Variants in RBL1 observed in about 807,000 individuals in gnomAD.
The protein encoded by RBL1 is RB transcriptional corepressor like 1, also known as retinoblastoma-like protein 1.
RBL1 carries 82 observed loss-of-function variants against 123.0 expected under a neutral mutation model. The observed-to-expected ratio is 0.67, with a 90% CI of 0.56 to 0.80. The LOEUF is 0.80. Ranked by LOEUF, RBL1 falls within the 30% of genes least tolerant of loss-of-function variation. The pLI is 0.00. For missense variants in RBL1, 1,171 were observed against 1,299.6 expected (o/e 0.90, Z 1.52); for synonymous variants, 405 against 441.3 (o/e 0.92, Z 1.03).
Position 37,040,291 on chromosome 20 carries a change from G to T in RBL1, c.1771-6C>A, listed in dbSNP as rs753711981. 1.2e-6 allele frequency: 2 copies of T among 1,609,702 alleles called. No individual in the cohort carries two copies. The highest frequency in any genetic ancestry group is 1.1e-5 in the South Asian group (1 of 89,790). On this transcript the variant is annotated splice_region_variant and splice_polypyrimidine_tract_variant and intron_variant, in intron 13 of 21. Coordinates refer to ENST00000373664, the MANE Select transcript of RBL1 (RefSeq NM_002895.5). ...AAGTTATTTGGGAATATAACCTGTA[G>T]AAAACAAAAACCCTTTGATTTACAT... is the stretch of plus-strand genomic sequence containing the variant.
At chr20:37,048,221 C>A (rs1012853434) in intron 11 of RBL1, among the ~76,000 whole-genome samples, 2 of 152,082 alleles carry the variant, frequency 1.3e-5, no homozygotes, top group Non-Finnish European at 2.9e-5. Flanking sequence ...AGGACACAGG[C>A]AGAATGGGAA....
intron 21 of RBL1, among the ~76,000 whole-genome samples, chr20:36,999,826 T>C (rs1270010960): frequency 6.6e-6 from 1 of 152,216 alleles, no homozygotes; most frequent in Non-Finnish European, 1.5e-5. Context: ...TGCAGTGGCG[T>C]GATCTCGGCT....
At chr20:37,002,336 G>GTTTTTTTTTTTTTTTTTT (rs965408801) in intron 21 of RBL1, among the ~76,000 whole-genome samples, 7 of 76,350 alleles carry the variant, frequency 9.2e-5, no homozygotes, top group Admixed American at 1.9e-4. Flanking sequence ...AGCCTTATCT[G>GTTTTTTTTTTTTTTTTTT]TTTTTTTTTT....
chr20:37,009,886 G>A (rs995339727), intron 19 of RBL1, among the ~76,000 whole-genome samples: 38 of 152,100 alleles, frequency 2.5e-4, no homozygotes, highest in African/African-American at 8.4e-4. Flanking sequence ...AAAACTAGGT[G>A]TGGTGGCATG....
chr20:37,038,047 A>G (rs1368559625), intron 14 of RBL1, among the ~76,000 whole-genome samples: 1 of 138,424 alleles, frequency 7.2e-6, no homozygotes, highest in East Asian at 2.1e-4. Context: ...GCTGGAGTAC[A>G]GTGGTGCGAT....
intron 14 of RBL1, among the ~76,000 whole-genome samples, chr20:37,037,773 TC>T (rs2064644018): frequency 6.6e-6 from 1 of 151,770 alleles, no homozygotes; most frequent in South Asian, 2.1e-4. Flanking sequence ...CCTCCTGGGT[TC>T]AAGCAATTCT....
At chr20:37,085,504 CGTGT>C (rs1568893683) in intron 2 of RBL1, among the ~76,000 whole-genome samples, 1 of 151,970 alleles carries the variant, frequency 6.6e-6, no homozygotes, top group Non-Finnish European at 1.5e-5. Context: ...TTTGTGTGTA[CGTGT>C]GTGTGCGTGG....
chr20:37,073,237 T>C (rs970691904), intron 2 of RBL1, among the ~76,000 whole-genome samples: 1 of 152,148 alleles, frequency 6.6e-6, no homozygotes, highest in African/African-American at 2.4e-5. Context: ...TACATACTAC[T>C]CTCCCAAGAA....
At chr20:37,075,979 T>C (rs1306523666) in intron 2 of RBL1, among the ~76,000 whole-genome samples, 2 of 152,232 alleles carry the variant, frequency 1.3e-5, no homozygotes, top group East Asian at 3.8e-4. Flanking sequence ...TACTAAAGCA[T>C]GTATAATGAA....
chr20:37,049,782 G>T, intron 11 of RBL1: 2 of 503,330 alleles, frequency 4.0e-6, no homozygotes, highest in South Asian at 6.8e-5. Context: ...GAGAAAAAAG[G>T]CCAGACATGG....
chr20:37,044,035 T>G (rs1389911046), intron 13 of RBL1, 51 bp downstream of exon 13: 8 of 697,472 alleles, frequency 1.1e-5, no homozygotes, highest in Non-Finnish European at 1.3e-5. Flanking sequence ...TAAAGCTGGT[T>G]TTTTTTTTTT....
chr20:37,062,687 G>C (rs2065115515), intron 7 of RBL1, among the ~76,000 whole-genome samples: 3 of 150,438 alleles, frequency 2.0e-5, no homozygotes, highest in South Asian at 4.2e-4. Flanking sequence ...CAGGCGCGGT[G>C]GCTCACGCCT....
intron 2 of RBL1, 131 bp from the exon 3 acceptor site, chr20:37,068,317 C>A (rs547281111): frequency 1.5e-6 from 2 of 1,313,946 alleles, no homozygotes; most frequent in African/African-American, 1.5e-5. Flanking sequence ...ATAGTTAAGA[C>A]CCCATCTCTA....
chr20:37,012,945 C>A (rs2064186447), intron 19 of RBL1, among the ~76,000 whole-genome samples: 1 of 151,050 alleles, frequency 6.6e-6, no homozygotes, highest in Admixed American at 6.6e-5. Flanking sequence ...CAGCCAGCCG[C>A]CCCGTCCGGG....
chr20:37,041,192 T>C (rs545296168), intron 13 of RBL1, among the ~76,000 whole-genome samples: 1 of 151,768 alleles, frequency 6.6e-6, no homozygotes, highest in Admixed American at 6.6e-5. Flanking sequence ...AAACAAAGAA[T>C]CAAAAGACAC....
At chr20:37,017,403 T>C (rs965159037) in intron 19 of RBL1, among the ~76,000 whole-genome samples, 7 of 151,818 alleles carry the variant, frequency 4.6e-5, no homozygotes, top group African/African-American at 1.7e-4. Context: ...TATACACATG[T>C]ATATATTACA....
At chr20:37,049,170 C>T in intron 11 of RBL1, 1 of 304,496 alleles carries the variant, frequency 3.3e-6, no homozygotes, top group Non-Finnish European at 6.2e-6. Flanking sequence ...CTACTGCACT[C>T]CAGCCAGGGT....
At chr20:37,006,808 G>A (rs538737705) in intron 20 of RBL1, among the ~76,000 whole-genome samples, 29 of 142,604 alleles carry the variant, frequency 2.0e-4, no homozygotes, top group African/African-American at 7.0e-4. Flanking sequence ...ACCACTGCAC[G>A]CCAGCCTGGG....
intron 2 of RBL1, among the ~76,000 whole-genome samples, chr20:37,071,870 C>T (rs921422708): frequency 5.3e-5 from 8 of 152,100 alleles, no homozygotes; most frequent in African/African-American, 1.4e-4. Context: ...CTTCACCTAC[C>T]GTGACTGTAA....
Sources: allele counts gnomAD v4.1 joint callset (sites outside exome capture counted in the v4.1 genomes callset), GRCh38; gene constraint gnomAD v4.1.1; transcripts MANE v1.5; gene names NCBI Gene and HGNC (gene_info 2026-07-23, HGNC 2026-07-21).